CTNNA2: variants seen among roughly 807,000 people sequenced by gnomAD.
CTNNA2 encodes the protein catenin alpha 2.
A neutral mutation model predicts 101.0 loss-of-function variants in CTNNA2; 42 were observed. The ratio of observed to expected loss-of-function variants is 0.42; its 90% CI spans 0.32 to 0.54. CTNNA2 has a LOEUF of 0.54. CTNNA2 is among the 20% of genes least tolerant of loss of function. CTNNA2 has a pLI of 0.14. For synonymous variants in CTNNA2, 450 were observed against 456.4 expected (o/e 0.99, Z 0.18); for missense variants, 871 against 1,223.1 (o/e 0.71, Z 4.29).
intron 7 of CTNNA2, among the ~76,000 whole-genome samples, chr2:79,936,979 G>A (rs1687835386): frequency 6.6e-6 from 1 of 152,134 alleles, no homozygotes. Flanking sequence ...TTGATGTGAA[G>A]GTAGTTTCCA....
intron 7 of CTNNA2, among the ~76,000 whole-genome samples, chr2:79,917,906 G>T (rs1041588882): frequency 1.3e-5 from 2 of 152,124 alleles, no homozygotes; most frequent in Non-Finnish European, 2.9e-5. Flanking sequence ...GCATGAGGGT[G>T]TTCTGGATAC....
intron 3 of CTNNA2, among the ~76,000 whole-genome samples, chr2:79,344,121 G>A (rs917830169): frequency 3.9e-5 from 6 of 152,102 alleles, no homozygotes; most frequent in African/African-American, 1.4e-4. Flanking sequence ...TTTTCAACTG[G>A]CACACTAACC....
intron 9 of CTNNA2, among the ~76,000 whole-genome samples, chr2:80,508,675 A>C (rs1688467868): frequency 1.4e-5 from 1 of 71,864 alleles, no homozygotes; most frequent in African/African-American, 5.2e-5. Flanking sequence ...GGATTTATGC[A>C]AAAAAAAAAA....
chr2:80,623,314 TA>T lies in CTNNA2; in HGVS notation c.2574+4090del, dbSNP rs537804572. The stretch of plus-strand genomic sequence containing the variant: ...GTAACTATGATGATAGTAATCATTT[TA>T]AAAGACATATTGTGACCATTTTTGT... On this transcript the variant is annotated intron_variant, in intron 18 of 18. Transcript: ENST00000402739. Among the ~76,000 whole-genome samples, 155 of 152,058 alleles carry T rather than the reference TA, an allele frequency of 1.0e-3. 1 individual carries two copies. Among genetic ancestry groups the T allele is most frequent in the African/African-American group, 3.2e-3 (131 of 41,528 alleles).
intron 8 of CTNNA2, among the ~76,000 whole-genome samples, chr2:80,414,073 C>T (rs970271488): frequency 2.0e-5 from 3 of 152,158 alleles, no homozygotes; most frequent in African/African-American, 7.2e-5. Context: ...AGACACATAG[C>T]CAATTCTGCC....
chr2:79,690,601 G>A (rs574199848), intron 2 of CTNNA2, among the ~76,000 whole-genome samples: 7 of 151,896 alleles, frequency 4.6e-5, no homozygotes, highest in Non-Finnish European at 7.4e-5. Flanking sequence ...ATAAGCATAC[G>A]TGTGCATGTG....
At chr2:79,337,459 A>T (rs1677019941) in intron 3 of CTNNA2, among the ~76,000 whole-genome samples, 1 of 152,232 alleles carries the variant, frequency 6.6e-6, no homozygotes, top group Non-Finnish European at 1.5e-5. Context: ...TGCTCACAGC[A>T]TTACTAGCAT....
chr2:79,542,113 C>T (rs1007099173), intron 1 of CTNNA2, among the ~76,000 whole-genome samples: 5 of 151,532 alleles, frequency 3.3e-5, no homozygotes, highest in African/African-American at 4.8e-5. Context: ...CCTTTTAGCC[C>T]GAAAGTAGTA....
chr2:79,290,301 A>G (rs1675763243), intron 2 of CTNNA2, among the ~76,000 whole-genome samples: 2 of 152,188 alleles, frequency 1.3e-5, no homozygotes, highest in African/African-American at 2.4e-5. Flanking sequence ...TACAGAGCAC[A>G]GAAGCCCCTG....
chr2:79,694,145 G>A (rs761306867), intron 2 of CTNNA2, among the ~76,000 whole-genome samples: 4 of 151,792 alleles, frequency 2.6e-5, no homozygotes, highest in Non-Finnish European at 4.4e-5. Context: ...TTTTTTTATA[G>A]TGCTGTCAAA....
intron 7 of CTNNA2, among the ~76,000 whole-genome samples, chr2:80,002,442 C>T (rs780121746): frequency 4.1e-4 from 63 of 152,268 alleles, no homozygotes; most frequent in African/African-American, 1.3e-3. Flanking sequence ...TGCTCTAAAT[C>T]GTTGTCTACA....
At chr2:80,538,326 T>C (rs1298861667) in intron 9 of CTNNA2, among the ~76,000 whole-genome samples, 1 of 152,228 alleles carries the variant, frequency 6.6e-6, no homozygotes, top group Non-Finnish European at 1.5e-5. Context: ...TGGTATTGCC[T>C]AGGTTTTCTT....
intron 7 of CTNNA2, among the ~76,000 whole-genome samples, chr2:80,009,317 A>G (rs1358521008): frequency 6.6e-6 from 1 of 152,150 alleles, no homozygotes; most frequent in Non-Finnish European, 1.5e-5. Context: ...TCTCTCCCCC[A>G]ACATCATTTT....
intron 2 of CTNNA2, among the ~76,000 whole-genome samples, chr2:79,297,871 A>G (rs1676018101): frequency 6.6e-6 from 1 of 152,016 alleles, no homozygotes; most frequent in Non-Finnish European, 1.5e-5. Context: ...GATTATCCAC[A>G]CTCATTGGAA....
intron 8 of CTNNA2, among the ~76,000 whole-genome samples, chr2:80,416,945 T>C (rs1313113114): frequency 6.6e-6 from 1 of 152,000 alleles, no homozygotes; most frequent in African/African-American, 2.4e-5. Flanking sequence ...ATCTTTACTA[T>C]TAAAAAGTCT....
intron 18 of CTNNA2, among the ~76,000 whole-genome samples, chr2:80,637,065 TA>T (rs1166528918): frequency 6.6e-6 from 1 of 152,042 alleles, no homozygotes; most frequent in African/African-American, 2.4e-5. Flanking sequence ...GAAGAGAGTT[TA>T]AAAAAATCTA....
In CTNNA2 at chr2:79,298,642, A is replaced by G. The variant is rs1054200676; in HGVS notation, c.-405-14067A>G. Among the ~76,000 whole-genome samples, 8 of 152,132 alleles carry G rather than the reference A, an allele frequency of 5.3e-5. No individual in the cohort carries two copies. In the South Asian group the frequency reaches 6.2e-4, roughly 12 times the overall value. ...TCCTTAATTCACTCTTCTTTTCTCTATATACATAATCCCTCTTTTATACCC... is the reference window on the plus strand; with the variant it reads ...TCCTTAATTCACTCTTCTTTTCTCTGTATACATAATCCCTCTTTTATACCC... On this transcript the variant is annotated intron_variant, in intron 2 of 21. Transcript: ENST00000466387.
chr2:80,402,524 GT>G (rs1178144119), intron 8 of CTNNA2, among the ~76,000 whole-genome samples: 5 of 152,002 alleles, frequency 3.3e-5, no homozygotes, highest in Non-Finnish European at 5.9e-5. Flanking sequence ...AAAAGATGCT[GT>G]CACCCAAGAA....
chr2:80,196,848 A>C (rs2149007721), intron 7 of CTNNA2, among the ~76,000 whole-genome samples: 1 of 152,322 alleles, frequency 6.6e-6, no homozygotes, highest in South Asian at 2.1e-4. Flanking sequence ...AAACTACTCC[A>C]GTGGCTTTCC....
Sources: allele counts gnomAD v4.1 joint callset (sites outside exome capture counted in the v4.1 genomes callset), GRCh38; gene constraint gnomAD v4.1.1; transcripts MANE v1.5; gene names NCBI Gene and HGNC (gene_info 2026-07-23, HGNC 2026-07-21).